Variants in PTER observed in about 807,000 individuals in gnomAD.
PTER encodes phosphotriesterase related, also known as N-acetyltaurine hydrolase.
Under a neutral mutation model 29.6 loss-of-function variants are expected in PTER, and 38 were observed. The ratio of observed to expected loss-of-function variants is 1.28; its 90% CI spans 0.99 to 1.68. PTER has a LOEUF of 1.68. Among genes scored for constraint, PTER ranks in the 40% most tolerant of loss-of-function variants. The probability of loss-of-function intolerance (pLI) is 0.00; values close to 1 mark genes in which losing one functional copy is unlikely to be tolerated. For missense variants in PTER, 482 were observed against 427.8 expected (o/e 1.13, Z -1.12); for synonymous variants, 172 against 154.5 (o/e 1.11, Z -0.84).
At chr10:16,450,038 C>G (rs1704166574) in intron 1 of PTER, among the ~76,000 whole-genome samples, 1 of 152,196 alleles carries the variant, frequency 6.6e-6, no homozygotes, top group South Asian at 2.1e-4. Flanking sequence ...GCTGATCCAA[C>G]TTTATGTTCC....
chr10:16,492,134 T>C (rs1447436919), intron 3 of PTER, among the ~76,000 whole-genome samples: 1 of 152,226 alleles, frequency 6.6e-6, no homozygotes, highest in Non-Finnish European at 1.5e-5. Flanking sequence ...AGATAACAGC[T>C]TGACAAGATA....
At chr10:16,449,938 CAAAT>C (rs1348131821) in intron 1 of PTER, among the ~76,000 whole-genome samples, 4 of 152,160 alleles carry the variant, frequency 2.6e-5, no homozygotes, top group African/African-American at 9.7e-5. Context: ...GCTAACCAAA[CAAAT>C]AAACTCTTAG....
rs1009596044 is a variant in PTER, at chr10:16,511,566, C to G, written c.*310C>G. 1 of 290,040 alleles carries G rather than the reference C, an allele frequency of 3.4e-6. No individual in the cohort carries two copies. The allele number at this position is 290,040 out of a possible 1,614,324, so 18.0% of individuals were successfully genotyped here. ...GTTGTTTTTCTCCCTAATCTATCAGCTGCACTACTTGAGAAAATTTAAAGT... is the reference window on the plus strand; with the variant it reads ...GTTGTTTTTCTCCCTAATCTATCAGGTGCACTACTTGAGAAAATTTAAAGT... On this transcript the variant is annotated 3_prime_UTR_variant, in exon 5 of 5. Transcript: ENST00000535784.
intron 3 of PTER, among the ~76,000 whole-genome samples, chr10:16,491,191 G>A (rs1564403900): frequency 6.6e-6 from 1 of 152,098 alleles, no homozygotes; most frequent in Non-Finnish European, 1.5e-5. Flanking sequence ...GTACCTATCT[G>A]ATGGATTATT....
Position 16,511,242 on chromosome 10 carries a change from C to T in PTER, c.1036C>T (p.Leu346=), listed in dbSNP as rs1288934468. Reference sequence around the variant, plus strand: ...TCTAATAGAGAACCCTAAGCAATGGCTAACTTTCAAATAGGATGGTTGCTT... The same window carrying T: ...TCTAATAGAGAACCCTAAGCAATGGTTAACTTTCAAATAGGATGGTTGCTT... ...KILIENPKQW[L]TFK The change falls in exon 5 of 5, where the codon CTA becomes TTA. Residue 346 remains leucine (L), a synonymous_variant. Coordinates refer to ENST00000535784, the MANE Select transcript of PTER (RefSeq NM_001261836.2). 8.1e-6 allele frequency: 13 copies of T among 1,613,554 alleles called. No homozygotes were observed. In the South Asian group the frequency reaches 1.2e-4, roughly 15 times the overall value.
intron 1 of PTER, among the ~76,000 whole-genome samples, chr10:16,471,119 C>G (rs531938112): frequency 1.3e-5 from 2 of 152,292 alleles, no homozygotes; most frequent in South Asian, 4.1e-4. Flanking sequence ...TGGACTACCT[C>G]AAACAGCTTG....
At chr10:16,480,210 G>C (rs1230283012) in intron 1 of PTER, among the ~76,000 whole-genome samples, 1 of 133,452 alleles carries the variant, frequency 7.5e-6, no homozygotes, top group Admixed American at 7.5e-5. Flanking sequence ...TTTTTTTTGA[G>C]ATAGAGTCTC....
At chr10:16,498,558 G>A (rs1292603477) in intron 3 of PTER, among the ~76,000 whole-genome samples, 1 of 152,208 alleles carries the variant, frequency 6.6e-6, no homozygotes, top group African/African-American at 2.4e-5. Context: ...ACTCCAGCCT[G>A]TGTGACGGAG....
intron 3 of PTER, among the ~76,000 whole-genome samples, chr10:16,501,739 C>A (rs1836358105): frequency 6.6e-6 from 1 of 152,152 alleles, no homozygotes; most frequent in Non-Finnish European, 1.5e-5. Context: ...CAATATTTAG[C>A]AATAGGAGAA....
intron 3 of PTER, among the ~76,000 whole-genome samples, chr10:16,494,958 A>G (rs1187962343): frequency 2.0e-5 from 3 of 152,136 alleles, no homozygotes; most frequent in Non-Finnish European, 4.4e-5. Context: ...ACTCAATTAT[A>G]GTAATTTGCT....
intron 2 of PTER, among the ~76,000 whole-genome samples, chr10:16,485,616 A>T (rs1001756388): frequency 1.3e-5 from 2 of 151,854 alleles, no homozygotes; most frequent in African/African-American, 4.8e-5. Flanking sequence ...TCCAACCAGG[A>T]CTTTATTTTT....
At chr10:16,460,597 C>T (rs1327407103) in intron 1 of PTER, among the ~76,000 whole-genome samples, 1 of 152,118 alleles carries the variant, frequency 6.6e-6, no homozygotes, top group Non-Finnish European at 1.5e-5. Flanking sequence ...AATTTAAAAC[C>T]AGTCCTTACT....
chr10:16,448,673 A>C (rs1834099918), intron 1 of PTER, among the ~76,000 whole-genome samples: 1 of 152,200 alleles, frequency 6.6e-6, no homozygotes, highest in Non-Finnish European at 1.5e-5. Context: ...CACTGGGTAC[A>C]ATCAGCATAA....
At chr10:16,477,519 ATTGT>A (rs905925087) in intron 1 of PTER, among the ~76,000 whole-genome samples, 4 of 152,132 alleles carry the variant, frequency 2.6e-5, no homozygotes, top group Non-Finnish European at 5.9e-5. Flanking sequence ...TATAGCTTTC[ATTGT>A]TTGTTAGTGA....
chr10:16,448,743 C>T (rs181781603), intron 1 of PTER, among the ~76,000 whole-genome samples: 1 of 152,172 alleles, frequency 6.6e-6, no homozygotes, highest in African/African-American at 2.4e-5. Flanking sequence ...ATCGGGGTCC[C>T]TCTGAACAAG....
chr10:16,495,998 C>A (rs911021140), intron 3 of PTER, among the ~76,000 whole-genome samples: 1 of 152,174 alleles, frequency 6.6e-6, no homozygotes, highest in Non-Finnish European at 1.5e-5. Flanking sequence ...TCTCCTCCTG[C>A]GTGGCTGTCC....
chr10:16,473,355 C>T (rs977600768), intron 1 of PTER, among the ~76,000 whole-genome samples: 3 of 151,892 alleles, frequency 2.0e-5, no homozygotes, highest in Non-Finnish European at 4.4e-5. Flanking sequence ...TCCTCTCCAG[C>T]ACACCCCAGT....
intron 1 of PTER, among the ~76,000 whole-genome samples, chr10:16,472,994 AC>A (rs1835108616): frequency 6.6e-6 from 1 of 151,018 alleles, no homozygotes; most frequent in African/African-American, 2.5e-5. Context: ...CATATTACAT[AC>A]CCAATTTCCT....
At chr10:16,495,168 C>CTTTT (rs3047217) in intron 3 of PTER, among the ~76,000 whole-genome samples, 6 of 132,206 alleles carry the variant, frequency 4.5e-5, no homozygotes, top group Admixed American at 7.8e-5. Context: ...TTTGGAATTA[C>CTTTT]TTTTTTTTTT....
Sources: allele counts gnomAD v4.1 joint callset (sites outside exome capture counted in the v4.1 genomes callset), GRCh38; gene constraint gnomAD v4.1.1; transcripts MANE v1.5; gene names NCBI Gene and HGNC (gene_info 2026-07-23, HGNC 2026-07-21).